ADGRL2: variants seen among roughly 807,000 people sequenced by gnomAD.
ADGRL2 encodes the protein calcium-independent alpha-latrotoxin receptor 2.
A neutral mutation model predicts 157.4 loss-of-function variants in ADGRL2; 44 were observed. That is an observed-to-expected ratio of 0.28 (90% CI 0.22 to 0.36). The LOEUF is 0.36. Ranked by LOEUF, ADGRL2 falls within the 10% of genes least tolerant of loss-of-function variation. The pLI is 1.00. For synonymous variants in ADGRL2, 585 were observed against 624.7 expected, an observed-to-expected ratio of 0.94 and a Z score of 0.95; for missense variants, 1,510 against 1,768.9, an observed-to-expected ratio of 0.85 and a Z score of 2.63.
chr1:81,716,469 T>C (rs947741923), intron 1 of ADGRL2, among the ~76,000 whole-genome samples: 3 of 152,212 alleles, frequency 2.0e-5, no homozygotes, highest in Non-Finnish European at 2.9e-5. Flanking sequence ...ATTAAAAATA[T>C]AATTTTATTC....
intron 1 of ADGRL2, among the ~76,000 whole-genome samples, chr1:81,739,168 T>C (rs1241864620): frequency 6.6e-6 from 1 of 152,224 alleles, no homozygotes; most frequent in Non-Finnish European, 1.5e-5. Flanking sequence ...TTGAATTAAT[T>C]AAGTCAGTTA....
rs1664624330 is a variant in ADGRL2, at chr1:81,991,746, G to A, written c.*601G>A. On this transcript the variant is annotated 3_prime_UTR_variant, in exon 24 of 24. Coordinates refer to ENST00000686636, the MANE Select transcript of ADGRL2 (RefSeq NM_001366006.2). ...CAACTGTACAATGAACTATTCTCAT[G>A]AAAAATGGCTAAAGAAATTATATTT... 6.6e-6 allele frequency: 1 copy of A among 152,588 alleles called. No individual in the cohort carries two copies. The highest frequency in any genetic ancestry group is 1.5e-5 in the Non-Finnish European group (1 of 68,036). 9.5% of individuals were successfully genotyped at this position (152,588 alleles called of 1,614,324 possible). A position where few individuals can be genotyped will look rare whatever the true frequency, so the allele number is the denominator to read the frequency against.
intron 14 of ADGRL2, among the ~76,000 whole-genome samples, chr1:81,968,555 A>G (rs1414094127): frequency 6.6e-6 from 1 of 152,188 alleles, no homozygotes; most frequent in Non-Finnish European, 1.5e-5. Context: ...ATCTAATTTT[A>G]CAACTTTCCC....
At chr1:81,713,871 A>C (rs1301037498) in intron 1 of ADGRL2, among the ~76,000 whole-genome samples, 3 of 152,230 alleles carry the variant, frequency 2.0e-5, no homozygotes, top group Admixed American at 2.0e-4. Context: ...CTGTTCTCAC[A>C]CTGCTAATAA....
At chr1:81,390,408 C>A (rs1290840200) in intron 1 of ADGRL2, among the ~76,000 whole-genome samples, 2 of 152,294 alleles carry the variant, frequency 1.3e-5, no homozygotes, top group African/African-American at 4.8e-5. Context: ...CAAATATTAG[C>A]CATTGGTATA....
chr1:81,895,225 C>A (rs1487179884), intron 2 of ADGRL2, among the ~76,000 whole-genome samples: 1 of 151,848 alleles, frequency 6.6e-6, no homozygotes, highest in Non-Finnish European at 1.5e-5. Context: ...TTAATTGGCC[C>A]CCTTATAGAA....
chr1:81,790,730 C>T (rs1199867738), intron 2 of ADGRL2, among the ~76,000 whole-genome samples: 1 of 152,172 alleles, frequency 6.6e-6, no homozygotes, highest in Non-Finnish European at 1.5e-5. Flanking sequence ...GGTCACTGTT[C>T]TTCAAAAAGC....
At chr1:81,925,990 C>T (rs2095096706) in intron 3 of ADGRL2, among the ~76,000 whole-genome samples, 1 of 151,972 alleles carries the variant, frequency 6.6e-6, no homozygotes. Context: ...CTAGTTTACT[C>T]AATTCTGCCC....
At chr1:81,608,681 A>G (rs2081481962) in intron 3 of ADGRL2, among the ~76,000 whole-genome samples, 1 of 152,132 alleles carries the variant, frequency 6.6e-6, no homozygotes, top group South Asian at 2.1e-4. Context: ...GTGTTCCAAA[A>G]AACATACTTG....
chr1:81,546,005 G>T (rs2080007992), intron 2 of ADGRL2, among the ~76,000 whole-genome samples: 1 of 152,170 alleles, frequency 6.6e-6, no homozygotes, highest in Admixed American at 6.5e-5. Flanking sequence ...CTGCCACTGG[G>T]TGCGGGGGGA....
chr1:81,766,570 C>T lies in ADGRL2; in HGVS notation c.-101+4718C>T, dbSNP rs111390889. Among the ~76,000 whole-genome samples the T allele has an allele frequency of 3.2e-3, 482 of 152,090 alleles. 2 individuals carry two copies. The highest frequency in any genetic ancestry group is 0.011 in the African/African-American group (463 of 41,506). On this transcript the variant is annotated intron_variant, in intron 2 of 20. Coordinates refer to the ADGRL2 transcript ENST00000359929. ...ACAGGGCTGGGCATGGTTGCTCATG[C>T]CTGTAATCCCAGCACTTTGGGAGGC...
intron 3 of ADGRL2, among the ~76,000 whole-genome samples, chr1:81,693,671 T>A (rs2083387110): frequency 6.6e-6 from 1 of 152,204 alleles, no homozygotes; most frequent in African/African-American, 2.4e-5. Context: ...CTCATTTATT[T>A]GTCAAAAATG....
At chr1:81,704,983 C>T (rs1411125387) in intron 1 of ADGRL2, among the ~76,000 whole-genome samples, 1 of 152,088 alleles carries the variant, frequency 6.6e-6, no homozygotes, top group African/African-American at 2.4e-5. Context: ...ATGTCTGAAG[C>T]AAATGCATGT....
Position 81,993,642 on chromosome 1 carries a change from G to T in ADGRL2, c.*2497G>T, listed in dbSNP as rs949479337. Among the ~76,000 whole-genome samples the T allele has an allele frequency of 1.3e-5, 2 of 152,128 alleles. No individual in the cohort carries two copies. The highest frequency in any genetic ancestry group is 2.9e-5 in the Non-Finnish European group (2 of 67,998). On this transcript the variant is annotated 3_prime_UTR_variant, in exon 24 of 24. Transcript: ENST00000686636. Reference sequence around the variant, plus strand: ...TTCTTTTCAAAAATATATAAATATTGCCTTAAATTCCATCTAGGATTCCCT... The same window carrying T: ...TTCTTTTCAAAAATATATAAATATTTCCTTAAATTCCATCTAGGATTCCCT...
intron 2 of ADGRL2, among the ~76,000 whole-genome samples, chr1:81,446,103 T>A (rs12353986): frequency 0.48 from 73,256 of 151,908 alleles, 19,781 homozygotes; most frequent in Non-Finnish European, 0.6. Context: ...GCCTCTCTCC[T>A]ATACTTTCAT....
chr1:81,559,087 T>A (rs1450103529), intron 2 of ADGRL2, among the ~76,000 whole-genome samples: 1 of 152,160 alleles, frequency 6.6e-6, no homozygotes, highest in African/African-American at 2.4e-5. Context: ...AGACTTAGAT[T>A]TGGTCATCTT....
chr1:81,734,166 C>A (rs1356987927), intron 1 of ADGRL2, among the ~76,000 whole-genome samples: 1 of 150,398 alleles, frequency 6.6e-6, no homozygotes, highest in African/African-American at 2.4e-5. Flanking sequence ...ATCCCAGCTA[C>A]TCGGAAGGCT....
chr1:81,687,783 A>G (rs2083259337), intron 3 of ADGRL2, among the ~76,000 whole-genome samples: 1 of 152,202 alleles, frequency 6.6e-6, no homozygotes, highest in Non-Finnish European at 1.5e-5. Flanking sequence ...TATGCTTTAA[A>G]GAGGAAACAC....
rs1234012780 is a variant in ADGRL2, at chr1:81,912,067, T to A, written c.287+4837T>A. Among the ~76,000 whole-genome samples the A allele has an allele frequency of 5.3e-5, 8 of 149,962 alleles. No homozygotes were observed. The South Asian group carries it at 6.4e-4, about 12-fold the overall frequency. On this transcript the variant is annotated intron_variant, in intron 3 of 23. Transcript: ENST00000686636. ...TTACATTATGATGTTTCTTTTATTT[T>A]TTTTTATTTTTTATTTTTTTTTGAG...
Sources: gnomAD v4.1 joint callset for allele counts (sites outside exome capture counted in the v4.1 genomes callset) on GRCh38, gnomAD v4.1.1 for gene constraint, MANE v1.5 for transcripts, NCBI Gene and HGNC (gene_info 2026-07-23, HGNC 2026-07-21) for gene names.